IKBKE: variants seen among roughly 807,000 people sequenced by gnomAD.
IKBKE encodes the protein inhibitor of nuclear factor kappa-B kinase subunit epsilon.
IKBKE carries 45 observed loss-of-function variants against 92.1 expected under a neutral mutation model. That is an observed-to-expected ratio of 0.49 (90% confidence interval 0.38 to 0.63). IKBKE has a LOEUF of 0.63. IKBKE is among the 20% of genes least tolerant of loss of function. The pLI is 0.00. For synonymous variants in IKBKE, 374 were observed against 380.3 expected (o/e 0.98, Z 0.19); for missense variants, 700 against 932.8 (o/e 0.75, Z 3.25).
intron 12 of IKBKE, 40 bp from the exon 13 acceptor site, chr1:206,480,407 C>T: frequency 6.5e-7 from 1 of 1,530,264 alleles, no homozygotes. Flanking sequence ...TGCTGAGTCC[C>T]CCGATCAAGG....
chr1:206,492,403 G>A (rs782352215), intron 18 of IKBKE: 2 of 468,758 alleles, frequency 4.3e-6, no homozygotes, highest in South Asian at 3.1e-5. Context: ...TTGTTATGGG[G>A]CTGAGACCTT....
At chr1:206,481,665 A>C (rs1665395542) in intron 13 of IKBKE, among the ~76,000 whole-genome samples, 2 of 150,892 alleles carry the variant, frequency 1.3e-5, no homozygotes, top group Non-Finnish European at 3.0e-5. Flanking sequence ...CCTCCGGAGC[A>C]GCTAGCCCTT....
chr1:206,476,610 G>C lies in IKBKE; in HGVS notation c.541-68G>C. ...TTTTCACCTGCAGGCGGTGAAAGGGGGTCTGACAGGTCTCAGGCCCTTGCC... is the reference window on the plus strand; with the variant it reads ...TTTTCACCTGCAGGCGGTGAAAGGGCGTCTGACAGGTCTCAGGCCCTTGCC... On this transcript the variant is annotated intron_variant, in intron 6 of 21. Transcript: ENST00000581977. This position sits in a 1 kb window ranked among gnomAD's most constrained non-coding sequence, Gnocchi z 5.1. The C allele has an allele frequency of 6.3e-7, 1 of 1,575,046 alleles. No individual in the cohort carries two copies. Among genetic ancestry groups the C allele is most frequent in the Admixed American group, 1.7e-5 (1 of 58,396 alleles).
rs539981303 is a variant in IKBKE, at chr1:206,481,940, C to T, written c.1427+1407C>T. ...GACTACAGGTGCCCGCCACTACGCC[C>T]GGCTAATTTTTTGTATTTTTAGTAG... On this transcript the variant is annotated intron_variant, in intron 13 of 21. Coordinates refer to ENST00000581977, the MANE Select transcript of IKBKE (RefSeq NM_014002.4). Among the ~76,000 whole-genome samples the T allele has an allele frequency of 2.6e-4, 40 of 151,792 alleles. 2 individuals are homozygous for T. In the East Asian group the frequency reaches 6.4e-3, roughly 24 times the overall value.
At chr1:206,480,181 A>C in intron 12 of IKBKE, 68 bp downstream of exon 12, 1 of 425,434 alleles carries the variant, frequency 2.4e-6, no homozygotes. Flanking sequence ...CAGGAGGGGG[A>C]GTGGGCAGGA....
rs1553385929 is a variant in IKBKE, at chr1:206,478,128, C to A, written c.813-32C>A. ...TAAGGAGGATAGGTCTGGGCCCCCACCCCTGACAGTCTCCATGTCCTGGGA... is the reference window on the plus strand; with the variant it reads ...TAAGGAGGATAGGTCTGGGCCCCCAACCCTGACAGTCTCCATGTCCTGGGA... On this transcript the variant is annotated intron_variant, in intron 8 of 21. Coordinates refer to ENST00000581977, the MANE Select transcript of IKBKE (RefSeq NM_014002.4). The surrounding 1 kb of genome is among the most constrained non-coding windows in gnomAD (Gnocchi z 4.8). 1.3e-6 allele frequency: 2 copies of A among 1,599,356 alleles called. No individual in the cohort carries two copies. Among genetic ancestry groups the A allele is most frequent in the African/African-American group, 1.3e-5 (1 of 74,832 alleles).
Position 206,478,978 on chromosome 1 carries a change from C to A in IKBKE, c.1028C>A (p.Thr343Asn), listed in dbSNP as rs978761085. 3.1e-6 allele frequency: 5 copies of A among 1,613,998 alleles called. No homozygotes were observed. Among genetic ancestry groups the A allele is most frequent in the African/African-American group, 1.3e-5 (1 of 74,908 alleles). The change falls in exon 10 of 22, where the codon ACC becomes AAC. Residue 343 changes from threonine (T) to asparagine (N), a missense_variant. Coordinates refer to ENST00000581977, the MANE Select transcript of IKBKE (RefSeq NM_014002.4). This position sits in a 1 kb window ranked among gnomAD's most constrained non-coding sequence, Gnocchi z 4.8. Reference sequence around the variant, plus strand: ...TTCCAGGAGGCCGTGCACAAGCAGACCAGTGTGGCCCCCCGACACCAGGAG... The same window carrying A: ...TTCCAGGAGGCCGTGCACAAGCAGAACAGTGTGGCCCCCCGACACCAGGAG... ...AIFQEAVHKQTSVAPRHQEYL... is the reference protein window; with the variant it reads ...AIFQEAVHKQNSVAPRHQEYL...
chr1:206,471,976 T>A (rs1664799850), intron 2 of IKBKE, among the ~76,000 whole-genome samples: 1 of 152,234 alleles, frequency 6.6e-6, no homozygotes, highest in Admixed American at 6.5e-5. Context: ...CCAGGCATGG[T>A]GGCTCACACC....
chr1:206,484,530 C>G (rs1553388087), intron 13 of IKBKE, among the ~76,000 whole-genome samples: 1 of 152,130 alleles, frequency 6.6e-6, no homozygotes, highest in African/African-American at 2.4e-5. Context: ...CCCCAGAGAA[C>G]GATTTCACTG....
In IKBKE at chr1:206,476,277, T is replaced by A. The variant is rs1665058675; in HGVS notation, c.455T>A (p.Ile152Asn). ...MRLVGEEGQSIYKLTDFGAAR... is the reference protein window; with the variant it reads ...MRLVGEEGQSNYKLTDFGAAR... ...CTCGTAGGGGAGGAGGGGCAGAGCATCTACAAGCTGACAGACTTCGGCGCT... is the reference window on the plus strand; with the variant it reads ...CTCGTAGGGGAGGAGGGGCAGAGCAACTACAAGCTGACAGACTTCGGCGCT... The change falls in exon 6 of 22, where the codon ATC (isoleucine) becomes AAC (asparagine). Residue 152 changes from isoleucine to asparagine, a missense_variant. Physicochemically the swap from Ile to Asn is moderately radical, Grantham distance 149 (BLOSUM62 -3). Transcript: ENST00000581977. This position sits in a 1 kb window ranked among gnomAD's most constrained non-coding sequence, Gnocchi z 5.1. 6.2e-7 allele frequency: 1 copy of A among 1,613,836 alleles called. No individual in the cohort carries two copies. Among genetic ancestry groups the A allele is most frequent in the Non-Finnish European group, 8.5e-7 (1 of 1,179,972 alleles).
chr1:206,485,426 T>C lies in IKBKE; in HGVS notation c.1616+120T>C. 1.5e-6 allele frequency: 1 copy of C among 668,830 alleles called. No homozygotes were observed. Among genetic ancestry groups the C allele is most frequent in the South Asian group, 1.7e-5 (1 of 58,190 alleles). 41.4% of individuals were successfully genotyped at this position (668,830 alleles called of 1,614,324 possible). On this transcript the variant is annotated intron_variant, in intron 15 of 21. Coordinates refer to ENST00000581977, the MANE Select transcript of IKBKE (RefSeq NM_014002.4). The surrounding 1 kb of genome is among the most constrained non-coding windows in gnomAD (Gnocchi z 5.0). Reference sequence around the variant, plus strand: ...TTCCCCTTTCTCTTGGCAAGGGTGCTAGGGCATGGGGGAGTAGAGGGAGAT... The same window carrying C: ...TTCCCCTTTCTCTTGGCAAGGGTGCCAGGGCATGGGGGAGTAGAGGGAGAT...
chr1:206,473,588 G>A (rs1478063694), intron 3 of IKBKE, among the ~76,000 whole-genome samples: 1 of 152,212 alleles, frequency 6.6e-6, no homozygotes, highest in Non-Finnish European at 1.5e-5. Context: ...ATGGAATCTA[G>A]GAATAGCAGA....
chr1:206,477,339 C>T (rs1665122373), intron 7 of IKBKE, among the ~76,000 whole-genome samples: 1 of 152,154 alleles, frequency 6.6e-6, no homozygotes, highest in Non-Finnish European at 1.5e-5. Context: ...CCCCGGGGTC[C>T]AGCTGTGTGG....
Position 206,480,612 on chromosome 1 carries a change from C to T in IKBKE, c.1427+79C>T, listed in dbSNP as rs910959933. ...CTCACCCTAGATACTTCCAACAATG[C>T]ACCTCTTCTCCCCCAAGCCAGGGCT... On this transcript the variant is annotated intron_variant, in intron 13 of 21. Transcript: ENST00000581977. The T allele has an allele frequency of 3.1e-5, 29 of 944,668 alleles. No individual in the cohort carries two copies. The African/African-American group carries it at 9.9e-4, about 32-fold the overall frequency. 58.5% of individuals were successfully genotyped at this position (944,668 alleles called of 1,614,324 possible). A position where few individuals can be genotyped will look rare whatever the true frequency, so the allele number is the denominator to read the frequency against.
chr1:206,485,025 ATCCAGGAACTGAAGG>A lies in IKBKE; in HGVS notation c.1457_1471del (p.Ile486_Ala491delinsThr), dbSNP rs1665579222. ...CAGCAGCGTGGCTGGAACGCCTGAG[ATCCAGGAACTGAAGG>A]CGGCTGCAGAACTGAGGTCCAGGCT... On this transcript the variant is annotated inframe_deletion, in exon 14 of 22. Transcript: ENST00000581977. The surrounding 1 kb of genome is among the most constrained non-coding windows in gnomAD (Gnocchi z 5.0). 6.2e-7 allele frequency: 1 copy of A among 1,613,976 alleles called. No homozygotes were observed. Among genetic ancestry groups the A allele is most frequent in the Non-Finnish European group, 8.5e-7 (1 of 1,180,004 alleles).
rs182043491 is a variant in IKBKE at position 206,478,223 on chromosome 1, C to T, written c.876C>T (p.Cys292=). ...ANILEVEQAK[C]WGFDQFFAET... ...TCCTGGAGGTGGAGCAGGCCAAGTG[C>T]TGGGGCTTCGACCAGTTCTTTGCGG... The change falls in exon 9 of 22, where the codon TGC becomes TGT. Residue 292 remains cysteine, a synonymous_variant. Transcript: ENST00000581977. The surrounding 1 kb of genome is among the most constrained non-coding windows in gnomAD (Gnocchi z 4.8). 353 of 1,614,182 alleles carry T rather than the reference C, an allele frequency of 2.2e-4. No individual in the cohort carries two copies. Among genetic ancestry groups the T allele is most frequent in the Non-Finnish European group, 3.0e-5 (35 of 1,180,038 alleles).
chr1:206,477,995 T>G (rs1262537623), intron 8 of IKBKE, 136 bp downstream of exon 8: 2 of 862,608 alleles, frequency 2.3e-6, no homozygotes, highest in African/African-American at 3.4e-5. Context: ...CTTTCCCATC[T>G]GGTTGCTGGA....
intron 16 of IKBKE, among the ~76,000 whole-genome samples, chr1:206,489,160 C>T (rs1665806066): frequency 6.6e-6 from 1 of 151,188 alleles, no homozygotes; most frequent in Non-Finnish European, 1.5e-5. Flanking sequence ...CCATCTCAGG[C>T]TCCTGACTAG....
chr1:206,494,099 T>G, intron 21 of IKBKE, 108 bp downstream of exon 21: 1 of 887,262 alleles, frequency 1.1e-6, no homozygotes, highest in Non-Finnish European at 1.8e-6. Context: ...ATGACACGTG[T>G]CCATTTTCGA....
Sources: gnomAD v4.1 joint callset for allele counts (sites outside exome capture counted in the v4.1 genomes callset) on GRCh38, gnomAD v4.1.1 for gene constraint, Gnocchi (gnomAD v3.1) non-coding constraint, MANE v1.5 for transcripts, NCBI Gene and HGNC (gene_info 2026-07-23, HGNC 2026-07-21) for gene names.